DAB1: variants seen among roughly 807,000 people sequenced by gnomAD.
The protein encoded by DAB1 is disabled homolog 1.
Under a neutral mutation model 64.6 loss-of-function variants are expected in DAB1, and 15 were observed. The observed-to-expected ratio is 0.23, with a 90% CI of 0.16 to 0.36. The LOEUF (loss-of-function observed/expected upper bound fraction) is 0.36, where lower values mean the gene tolerates loss of function less well. Ranked by LOEUF, DAB1 falls within the 10% of genes least tolerant of loss-of-function variation. The probability of loss-of-function intolerance (pLI) is 1.00; values close to 1 mark genes in which losing one functional copy is unlikely to be tolerated. For synonymous variants in DAB1, 235 were observed against 251.9 expected (o/e 0.93, Z 0.64); for missense variants, 596 against 706.7 (o/e 0.84, Z 1.78).
chr1:57,000,459 G>A (rs1645817075), intron 14 of DAB1, among the ~76,000 whole-genome samples: 1 of 152,162 alleles, frequency 6.6e-6, no homozygotes, highest in Non-Finnish European at 1.5e-5. Context: ...TGATCCCTTT[G>A]TCCTAAATAC....
At chr1:57,752,452 G>A (rs1648601766) in intron 6 of DAB1, among the ~76,000 whole-genome samples, 1 of 152,150 alleles carries the variant, frequency 6.6e-6, no homozygotes, top group African/African-American at 2.4e-5. Context: ...ACAGATTAAA[G>A]GCAAGCTTGG....
intron 1 of DAB1, among the ~76,000 whole-genome samples, chr1:57,874,596 A>C (rs1644011967): frequency 6.6e-6 from 1 of 152,120 alleles, no homozygotes; most frequent in African/African-American, 2.4e-5. Context: ...GATCAAACAG[A>C]GGAAGAAACA....
At chr1:57,343,961 G>A (rs187650295) in intron 1 of DAB1, among the ~76,000 whole-genome samples, 1 of 152,390 alleles carries the variant, frequency 6.6e-6, no homozygotes, top group Admixed American at 6.5e-5. Context: ...CCAGCACCCT[G>A]TCACCTCTCA....
chr1:57,659,649 G>A (rs1646361962), intron 6 of DAB1, among the ~76,000 whole-genome samples: 1 of 152,034 alleles, frequency 6.6e-6, no homozygotes, highest in Non-Finnish European at 1.5e-5. Context: ...GTTTCCCCCA[G>A]CTAGGAATTT....
chr1:58,335,855 A>C (rs1221355786), intron 4 of DAB1, among the ~76,000 whole-genome samples: 1 of 152,136 alleles, frequency 6.6e-6, no homozygotes, highest in Non-Finnish European at 1.5e-5. Flanking sequence ...GGGAAAGGTG[A>C]ATTTATGGAG....
intron 7 of DAB1, among the ~76,000 whole-genome samples, chr1:57,507,233 G>T (rs113249193): frequency 6.6e-6 from 1 of 152,126 alleles, no homozygotes; most frequent in Non-Finnish European, 1.5e-5. Context: ...ATTCCAGCCA[G>T]ATTGGTCCAC....
At chr1:57,379,115 T>C (rs3909557) in intron 1 of DAB1, among the ~76,000 whole-genome samples, 65,214 of 151,740 alleles carry the variant, frequency 0.43, 14,810 homozygotes, top group African/African-American at 0.54. Flanking sequence ...ATCATAAGAG[T>C]TCCTAAAGAT....
At chr1:57,909,718 T>A (rs1446715951) in intron 5 of DAB1, among the ~76,000 whole-genome samples, 1 of 152,222 alleles carries the variant, frequency 6.6e-6, no homozygotes, top group African/African-American at 2.4e-5. Context: ...TTACTTTCAA[T>A]GAACTCCTGC....
intron 7 of DAB1, among the ~76,000 whole-genome samples, chr1:57,588,318 C>T (rs1464887992): frequency 1.3e-5 from 2 of 152,226 alleles, no homozygotes; most frequent in Non-Finnish European, 2.9e-5. Context: ...TAAAGTTCAT[C>T]TGCAAGGTTC....
At chr1:58,044,738 G>A (rs942612559) in intron 5 of DAB1, among the ~76,000 whole-genome samples, 6 of 152,074 alleles carry the variant, frequency 3.9e-5, no homozygotes, top group African/African-American at 1.4e-4. Flanking sequence ...CTGTCGATTA[G>A]GGATAAGAGT....
chr1:57,617,344 C>T (rs1645802019), intron 7 of DAB1, among the ~76,000 whole-genome samples: 1 of 152,058 alleles, frequency 6.6e-6, no homozygotes, highest in Non-Finnish European at 1.5e-5. Context: ...TGGTCCCCAG[C>T]TGAGACCACA....
intron 3 of DAB1, among the ~76,000 whole-genome samples, chr1:58,369,659 C>G (rs549841608): frequency 6.6e-6 from 1 of 152,272 alleles, no homozygotes; most frequent in East Asian, 1.9e-4. Context: ...AATGACCTTG[C>G]TGGAGTATTA....
At chr1:58,530,503 T>G (rs1299005996) in intron 1 of DAB1, 1 of 694,330 alleles carries the variant, frequency 1.4e-6, no homozygotes, top group Non-Finnish European at 2.5e-6. Flanking sequence ...TATTTCATAG[T>G]AAAATGTAAA....
chr1:58,466,559 T>G (rs1324713515), intron 3 of DAB1, among the ~76,000 whole-genome samples: 1 of 152,160 alleles, frequency 6.6e-6, no homozygotes, highest in Non-Finnish European at 1.5e-5. Context: ...TCGGGAAGAA[T>G]GCACAAGCAG....
intron 4 of DAB1, among the ~76,000 whole-genome samples, chr1:58,209,510 G>A (rs748484829): frequency 2.6e-5 from 4 of 152,092 alleles, no homozygotes; most frequent in Non-Finnish European, 5.9e-5. Flanking sequence ...ATTTTCCAAT[G>A]CAAATAGCGA....
intron 2 of DAB1, among the ~76,000 whole-genome samples, chr1:57,241,478 T>C (rs931886168): frequency 2.0e-5 from 3 of 152,206 alleles, no homozygotes; most frequent in Non-Finnish European, 4.4e-5. Flanking sequence ...ATCAGCCTCA[T>C]TAGCAAATAG....
intron 5 of DAB1, among the ~76,000 whole-genome samples, chr1:57,954,494 C>T (rs151283175): frequency 6.3e-4 from 96 of 152,130 alleles, no homozygotes; most frequent in Non-Finnish European, 6.9e-4. Flanking sequence ...AAGAAGAAAG[C>T]GAGGCTACGA....
chr1:57,034,820 C>T (rs969780958), intron 9 of DAB1, among the ~76,000 whole-genome samples: 20 of 152,188 alleles, frequency 1.3e-4, no homozygotes, highest in African/African-American at 4.8e-4. Flanking sequence ...GGAAAACTAT[C>T]ACCCATAGCC....
chr1:57,922,798 A>T (rs199716890), intron 5 of DAB1, among the ~76,000 whole-genome samples: 2 of 134,746 alleles, frequency 1.5e-5, no homozygotes, highest in African/African-American at 5.6e-5. Flanking sequence ...GTGAGCCGAG[A>T]TCGCGCCACT....
Sources: gnomAD v4.1 joint callset for allele counts (sites outside exome capture counted in the v4.1 genomes callset) on GRCh38, gnomAD v4.1.1 for gene constraint, MANE v1.5 for transcripts, NCBI Gene and HGNC (gene_info 2026-07-23, HGNC 2026-07-21) for gene names.